The following PIK3C2G variants were observed in gnomAD, a reference collection of about 807,000 sequenced individuals.
PIK3C2G encodes phosphatidylinositol-4-phosphate 3-kinase catalytic subunit type 2 gamma.
PIK3C2G carries 168 observed loss-of-function variants against 181.1 expected under a neutral mutation model. The ratio of observed to expected loss-of-function variants is 0.93; its 90% confidence interval spans 0.82 to 1.05. The LOEUF (loss-of-function observed/expected upper bound fraction) is 1.05, where lower values mean the gene tolerates loss of function less well. Among genes scored for constraint, PIK3C2G ranks in the 50% least tolerant of loss-of-function variants. The pLI is 0.00. For missense variants in PIK3C2G, 1,869 were observed against 1,732.8 expected, an observed-to-expected ratio of 1.08 and a Z score of -1.40; for synonymous variants, 573 against 592.2, an observed-to-expected ratio of 0.97 and a Z score of 0.47.
chr12:18,528,479 C>T (rs1397569425), intron 24 of PIK3C2G, among the ~76,000 whole-genome samples: 1 of 152,052 alleles, frequency 6.6e-6, no homozygotes, highest in Non-Finnish European at 1.5e-5. Context: ...ATTACTAAGT[C>T]CCACTAAGTT....
At chr12:18,436,213 T>A (rs1176849705) in intron 18 of PIK3C2G, among the ~76,000 whole-genome samples, 2 of 152,064 alleles carry the variant, frequency 1.3e-5, no homozygotes, top group Non-Finnish European at 2.9e-5. Context: ...CTCACATCCA[T>A]ACATGATTCC....
At chr12:18,478,126 A>T (rs1198836572) in intron 18 of PIK3C2G, among the ~76,000 whole-genome samples, 3 of 152,206 alleles carry the variant, frequency 2.0e-5, no homozygotes, top group East Asian at 3.9e-4. Flanking sequence ...AAAAAGAGAA[A>T]TTTTTTAAAA....
chr12:18,565,481 A>C (rs1408286101), intron 28 of PIK3C2G, among the ~76,000 whole-genome samples: 4 of 152,210 alleles, frequency 2.6e-5, no homozygotes, highest in Admixed American at 2.0e-4. Context: ...AGGACAAGAC[A>C]AAAGGGCAAA....
intron 24 of PIK3C2G, among the ~76,000 whole-genome samples, chr12:18,524,314 T>G (rs1943098843): frequency 6.6e-6 from 1 of 152,156 alleles, no homozygotes; most frequent in Admixed American, 6.6e-5. Flanking sequence ...TTTTACTGTG[T>G]AATCATAGCC....
chr12:18,380,701 C>T (rs1942779593), intron 13 of PIK3C2G, among the ~76,000 whole-genome samples: 1 of 152,196 alleles, frequency 6.6e-6, no homozygotes, highest in South Asian at 2.1e-4. Flanking sequence ...AAAACATCTG[C>T]CTATATTTTA....
chr12:18,275,054 ATTTTCTGAGTTCCTGCATG>A, intron 1 of PIK3C2G, among the ~76,000 whole-genome samples: 1 of 152,120 alleles, frequency 6.6e-6, no homozygotes, highest in Non-Finnish European at 1.5e-5. Flanking sequence ...TAAGAACAAT[ATTTTCTGAGTTCCTGCATG>A]TTTCCTGAGT....
chr12:18,269,912 CT>C lies in PIK3C2G; in HGVS notation c.-79+8350del, dbSNP rs367550750. Among the ~76,000 whole-genome samples the C allele has an allele frequency of 4.7e-4, 64 of 136,910 alleles. 1 individual carries two copies. Among genetic ancestry groups the C allele is most frequent in the Admixed American group, 5.9e-4 (8 of 13,482 alleles). The allele number at this position is 136,910 out of a possible 152,430, so 89.8% of individuals were successfully genotyped here. On this transcript the variant is annotated intron_variant, in intron 1 of 32. Transcript: ENST00000538779. ...ACCCTTTTTTCTTTTTTTTTCTTTT[CT>C]TTTTTTTTTTTTTTGAGATGGCATC...
chr12:18,444,949 A>T (rs1443237545), intron 18 of PIK3C2G, among the ~76,000 whole-genome samples: 1 of 152,150 alleles, frequency 6.6e-6, no homozygotes, highest in Non-Finnish European at 1.5e-5. Context: ...AACACTGCCA[A>T]ATAAGATCAA....
chr12:18,452,520 C>T (rs1431331793), intron 18 of PIK3C2G, among the ~76,000 whole-genome samples: 2 of 151,404 alleles, frequency 1.3e-5, no homozygotes, highest in Non-Finnish European at 2.9e-5. Context: ...AAAACAGCTT[C>T]TAGATTCATT....
chr12:18,634,090 T>C (rs1949482431), intron 31 of PIK3C2G, among the ~76,000 whole-genome samples: 1 of 152,148 alleles, frequency 6.6e-6, no homozygotes, highest in Non-Finnish European at 1.5e-5. Flanking sequence ...ACCACCTAAC[T>C]TGAACTGTAA....
At chr12:18,657,510 GAAAGATTTCT>G in the PIK3C2G span, among the ~76,000 whole-genome samples, 1 of 152,112 alleles carries the variant, frequency 6.6e-6, no homozygotes, top group Non-Finnish European at 1.5e-5. Flanking sequence ...TGCAAAGGCT[GAAAGATTTCT>G]AATTTTTTGT....
intron 16 of PIK3C2G, among the ~76,000 whole-genome samples, chr12:18,405,397 GTGTTGTTGTTGT>G (rs58282294): frequency 7.9e-5 from 11 of 139,880 alleles, no homozygotes; most frequent in East Asian, 6.1e-4. Context: ...AGCAACATTT[GTGTTGTTGTTGT>G]TGTTGTTGTT....
At chr12:18,718,936 T>G in the PIK3C2G span, among the ~76,000 whole-genome samples, 1 of 152,186 alleles carries the variant, frequency 6.6e-6, no homozygotes, top group Non-Finnish European at 1.5e-5. Flanking sequence ...TGGATTATTT[T>G]TAATCTATGT....
chr12:18,319,296 C>A (rs924170447), intron 6 of PIK3C2G, among the ~76,000 whole-genome samples: 5 of 151,996 alleles, frequency 3.3e-5, no homozygotes, highest in Non-Finnish European at 4.4e-5. Context: ...GGGGAACATT[C>A]ACGAACATTT....
chr12:18,472,316 AT>A (rs1215971269), intron 18 of PIK3C2G, among the ~76,000 whole-genome samples: 1 of 152,160 alleles, frequency 6.6e-6, no homozygotes, highest in South Asian at 2.1e-4. Context: ...TTTTATTAGT[AT>A]TTTTTGGACT....
the PIK3C2G span, among the ~76,000 whole-genome samples, chr12:18,699,514 A>G: frequency 2.6e-5 from 4 of 152,018 alleles, no homozygotes; most frequent in African/African-American, 9.7e-5. Context: ...CTGCTCTCCT[A>G]TACAAGCTGC....
At chr12:18,493,219 C>T (rs1940730321) in intron 20 of PIK3C2G, 3 of 152,256 alleles carry the variant, frequency 2.0e-5, no homozygotes, top group Admixed American at 1.3e-4. Flanking sequence ...AACTAAATGT[C>T]TTATTTGACA....
chr12:18,688,905 G>T, the PIK3C2G span, among the ~76,000 whole-genome samples: 1 of 151,878 alleles, frequency 6.6e-6, no homozygotes, highest in Non-Finnish European at 1.5e-5. Context: ...TCCAATTTCT[G>T]AAGGTTACAT....
intron 24 of PIK3C2G, 36 bp downstream of exon 24, chr12:18,505,497 G>A: frequency 6.5e-7 from 1 of 1,542,266 alleles, no homozygotes; most frequent in Non-Finnish European, 8.9e-7. Flanking sequence ...TAATTAAGCA[G>A]TGTCCTAAGC....
Sources: allele counts gnomAD v4.1 joint callset (sites outside exome capture counted in the v4.1 genomes callset), GRCh38; gene constraint gnomAD v4.1.1; transcripts MANE v1.5; gene names NCBI Gene and HGNC (gene_info 2026-07-23, HGNC 2026-07-21).